Variants in COL18A1 observed in about 807,000 individuals in gnomAD.
COL18A1 encodes the protein collagen alpha-1(XVIII) chain.
A neutral mutation model predicts 168.0 loss-of-function variants in COL18A1; 133 were observed. The observed-to-expected ratio is 0.79, with a 90% confidence interval of 0.69 to 0.91. The LOEUF (loss-of-function observed/expected upper bound fraction) is 0.91, where lower values mean the gene tolerates loss of function less well. Ranked by LOEUF, COL18A1 falls within the 40% of genes least tolerant of loss-of-function variation. The probability of loss-of-function intolerance (pLI) is 0.00; values close to 1 mark genes in which losing one functional copy is unlikely to be tolerated. For synonymous variants in COL18A1, 949 were observed against 809.0 expected, an observed-to-expected ratio of 1.17 and a Z score of -2.94; for missense variants, 2,126 against 1,925.4, an observed-to-expected ratio of 1.10 and a Z score of -1.95.
Position 45,418,885 on chromosome 21 carries a change from GAACC to G in COL18A1, c.106+13414_106+13417del, listed in dbSNP as rs370474696. Among the ~76,000 whole-genome samples, 467 of 152,338 alleles carry G rather than the reference GAACC, an allele frequency of 3.1e-3. 3 individuals are homozygous for G. Among genetic ancestry groups the G allele is most frequent in the African/African-American group, 0.011 (438 of 41,580 alleles). ...CCTCTAGAGGGGCTTGTGTCATGTGGAACCAGCCAGACCCCCCGGACGGCTTGCA... is the reference window on the plus strand; with the variant it reads ...CCTCTAGAGGGGCTTGTGTCATGTGGAGCCAGACCCCCCGGACGGCTTGCA... On this transcript the variant is annotated intron_variant, in intron 2 of 41. Transcript: ENST00000651438.
rs2034876780 is a variant in COL18A1, at chr21:45,457,460, C to T, written c.107-10782C>T. Among the ~76,000 whole-genome samples, 1 of 152,322 alleles carries T rather than the reference C, an allele frequency of 6.6e-6. No individual in the cohort carries two copies. Among genetic ancestry groups the T allele is most frequent in the East Asian group, 1.9e-4 (1 of 5,168 alleles). On this transcript the variant is annotated intron_variant, in intron 2 of 41. Transcript: ENST00000651438. The surrounding 1 kb of genome is among the most constrained non-coding windows in gnomAD (Gnocchi z 4.6). ...CCCCTCCCCATCCTGAAGCACACAG[C>T]CTCCCTGCCACAGTGGGGGCCGCTT... is the stretch of plus-strand genomic sequence containing the variant.
intron 2 of COL18A1, among the ~76,000 whole-genome samples, chr21:45,446,984 A>G (rs2034516565): frequency 6.6e-6 from 1 of 152,232 alleles, no homozygotes; most frequent in African/African-American, 2.4e-5. Flanking sequence ...GGTAAAGAGC[A>G]TCTGTGACAG....
intron 2 of COL18A1, among the ~76,000 whole-genome samples, chr21:45,466,712 G>A (rs1364056731): frequency 6.6e-6 from 1 of 152,204 alleles, no homozygotes; most frequent in African/African-American, 2.4e-5. Flanking sequence ...TGCTGTCACT[G>A]GGGTCCCTGG....
At chr21:45,475,236 C>T (rs537444278) in intron 4 of COL18A1, among the ~76,000 whole-genome samples, 1 of 152,354 alleles carries the variant, frequency 6.6e-6, no homozygotes, top group East Asian at 1.9e-4. Flanking sequence ...GAGGCAGGTT[C>T]AGAAGCGTCA....
rs574815913 is a variant in COL18A1 at position 45,471,960 on chromosome 21, A to T, written c.652-1935A>T. On this transcript the variant is annotated intron_variant, in intron 3 of 41. Transcript: ENST00000651438. This position sits in a 1 kb window ranked among gnomAD's most constrained non-coding sequence, Gnocchi z 4.4. ...CCCACCCCCGGAGCCAGCGGCCACC[A>T]CGGGCTCAGAGCTTCTCTGCCCTCT... Among the ~76,000 whole-genome samples the T allele has an allele frequency of 1.7e-4, 26 of 152,082 alleles. No homozygotes were observed. In the South Asian group the frequency reaches 5.0e-3, roughly 29 times the overall value.
chr21:45,471,126 G>A lies in COL18A1; in HGVS notation c.651+2340G>A, dbSNP rs377558617. The stretch of plus-strand genomic sequence containing the variant: ...CTGCTGGGCCTGGGTGGCGCACTAC[G>A]GGCCTTGTGCTGCTGGGCGTGGGTG... On this transcript the variant is annotated intron_variant, in intron 3 of 41. Coordinates refer to ENST00000651438, the MANE Select transcript of COL18A1 (RefSeq NM_001379500.1). The surrounding 1 kb of genome is among the most constrained non-coding windows in gnomAD (Gnocchi z 4.4). Among the ~76,000 whole-genome samples, 728 of 144,894 alleles carry A rather than the reference G, an allele frequency of 5.0e-3. 1 individual carries two copies. The highest frequency in any genetic ancestry group is 0.017 in the African/African-American group (692 of 40,642).
rs927415312 is a variant in COL18A1 at position 45,425,554 on chromosome 21, T to G, written c.106+20081T>G. On this transcript the variant is annotated intron_variant, in intron 2 of 41. Coordinates refer to ENST00000651438, the MANE Select transcript of COL18A1 (RefSeq NM_001379500.1). This position sits in a 1 kb window ranked among gnomAD's most constrained non-coding sequence, Gnocchi z 4.1. The stretch of plus-strand genomic sequence containing the variant: ...CCTGCATGAACACTGCACAGCTACC[T>G]CCCGTGGGCTGCCCTGTGAGGTGTG... Among the ~76,000 whole-genome samples, 1 of 152,072 alleles carries G rather than the reference T, an allele frequency of 6.6e-6. No individual in the cohort carries two copies. The highest frequency in any genetic ancestry group is 2.4e-5 in the African/African-American group (1 of 41,414).
At chr21:45,510,975 A>AC in intron 40 of COL18A1, 136 bp from the exon 41 acceptor site, 1 of 34,724 alleles carries the variant, frequency 2.9e-5, no homozygotes, top group South Asian at 1.3e-4. Flanking sequence ...ACCCCCAAAC[A>AC]CCCCCCACAC....
chr21:45,450,123 C>A (rs1005556704), intron 2 of COL18A1, among the ~76,000 whole-genome samples: 1 of 152,126 alleles, frequency 6.6e-6, no homozygotes, highest in African/African-American at 2.4e-5. Flanking sequence ...GCCCAGGTTT[C>A]GCTCCCTGGA....
intron 8 of COL18A1, 99 bp from the exon 9 acceptor site, chr21:45,478,228 C>T (rs775491863): frequency 1.2e-5 from 19 of 1,521,942 alleles, no homozygotes; most frequent in Middle Eastern, 1.8e-4. Flanking sequence ...TCTGCCGCCT[C>T]GTGGGGACTT....
At chr21:45,438,158 ACT>A (rs1240887221) in intron 2 of COL18A1, among the ~76,000 whole-genome samples, 17 of 113,010 alleles carry the variant, frequency 1.5e-4, no homozygotes, top group African/African-American at 4.0e-4. Flanking sequence ...AGACACAGGC[ACT>A]CTCCTGCATA....
Position 45,480,828 on chromosome 21 carries a change from C to T in COL18A1, c.1581C>T (p.Arg527=), listed in dbSNP as rs369409660. 64 of 1,611,552 alleles carry T rather than the reference C, an allele frequency of 4.0e-5. No homozygotes were observed. The highest frequency in any genetic ancestry group is 1.6e-4 in the Middle Eastern group (1 of 6,072). The stretch of plus-strand genomic sequence containing the variant: ...CCGGCCTTCCTGGTGTGCCTGGGCG[C>T]GAGGGTCCCCCCGGGTTTCCTGGCC... ...GPAGLPGVPG[R]EGPPGFPGLP... Residue 527 remains arginine, a synonymous_variant, in exon 13 of 42, where the codon CGC becomes CGT. Coordinates refer to ENST00000651438, the MANE Select transcript of COL18A1 (RefSeq NM_001379500.1).
rs569016298 is a variant in COL18A1 at position 45,509,371 on chromosome 21, G to A, written c.3265G>A (p.Ala1089Thr). The A allele has an allele frequency of 5.8e-5, 89 of 1,544,118 alleles. No individual in the cohort carries two copies. Among genetic ancestry groups the A allele is most frequent in the Non-Finnish European group, 7.7e-5 (88 of 1,145,514 alleles). The change falls in exon 39 of 42, where the codon GCC becomes ACC. Residue 1089 changes from alanine (A) to threonine (T), a missense_variant. Transcript: ENST00000651438. ...LPRGTDNEVA[A>T]LQPPVVQLHD... Reference sequence around the variant, plus strand: ...CCACCTGCAGGACAATGAAGTGGCCGCCTTGCAGCCCCCCGTGGTGCAGCT... The same window carrying A: ...CCACCTGCAGGACAATGAAGTGGCCACCTTGCAGCCCCCCGTGGTGCAGCT...
rs550660378 is a variant in COL18A1 at position 45,437,605 on chromosome 21, G to A, written c.107-30637G>A. ...GTACACACACACACTCACACACTCAGACACACAGGCACTCTCCTGCACACA... is the reference window on the plus strand; with the variant it reads ...GTACACACACACACTCACACACTCAAACACACAGGCACTCTCCTGCACACA... On this transcript the variant is annotated intron_variant, in intron 2 of 41. Coordinates refer to ENST00000651438, the MANE Select transcript of COL18A1 (RefSeq NM_001379500.1). Among the ~76,000 whole-genome samples the A allele has an allele frequency of 9.9e-4, 27 of 27,166 alleles. 3 individuals carry two copies. Among genetic ancestry groups the A allele is most frequent in the African/African-American group, 7.6e-3 (27 of 3,562 alleles). The allele number at this position is 27,166 out of a possible 152,430, so 17.8% of individuals were successfully genotyped here.
chr21:45,422,322 G>C (rs1303664018), intron 2 of COL18A1: 1 of 382,900 alleles, frequency 2.6e-6, no homozygotes, highest in African/African-American at 2.1e-5. Flanking sequence ...GGTGGGCTCT[G>C]TCTGTAGAGG....
intron 6 of COL18A1, among the ~76,000 whole-genome samples, chr21:45,476,921 T>TTTTGTGTGTGTGTG (rs1483564460): frequency 6.8e-6 from 1 of 146,860 alleles, no homozygotes; most frequent in African/African-American, 2.5e-5. Flanking sequence ...ATTATGTGTT[T>TTTTGTGTGTGTGTG]TGTGTGTGTG....
intron 2 of COL18A1, chr21:45,419,739 T>A (rs1022828647): frequency 1.3e-5 from 2 of 152,216 alleles, no homozygotes; most frequent in African/African-American, 4.8e-5. Flanking sequence ...TTTTATTTTT[T>A]AAAATTACTG....
At chr21:45,451,794 C>T (rs2034628948) in intron 2 of COL18A1, among the ~76,000 whole-genome samples, 1 of 152,140 alleles carries the variant, frequency 6.6e-6, no homozygotes, top group Non-Finnish European at 1.5e-5. Flanking sequence ...TCCTGCGCAC[C>T]CCCAGGGAGG....
Position 45,468,721 on chromosome 21 carries a change from G to C in COL18A1, c.586G>C (p.Glu196Gln). Residue 196 changes from glutamate (E) to glutamine (Q), a missense_variant, in exon 3 of 42, where the codon GAG (glutamate) becomes CAG (glutamine). Glu to Gln is a conservative substitution (Grantham distance 29). Transcript: ENST00000651438. ...GCTTGCTCGGTCCTCACGGGGCCTG[G>C]AGCTGGAGCCTGGCGCCGGGCTCTT... Reference protein sequence around the residue: ...MPLARSSRGLELEPGAGLFVA... With the variant: ...MPLARSSRGLQLEPGAGLFVA... 1.9e-6 allele frequency: 3 copies of C among 1,612,356 alleles called. No individual in the cohort carries two copies. The South Asian group carries it at 3.3e-5, about 18-fold the overall frequency.
Sources: gnomAD v4.1 joint callset for allele counts (sites outside exome capture counted in the v4.1 genomes callset) on GRCh38, gnomAD v4.1.1 for gene constraint, Gnocchi (gnomAD v3.1) non-coding constraint, MANE v1.5 for transcripts, NCBI Gene and HGNC (gene_info 2026-07-23, HGNC 2026-07-21) for gene names.